The following EPHA6 variants were observed in gnomAD, a reference collection of about 807,000 sequenced individuals.
The protein encoded by EPHA6 is ephrin type-A receptor 6.
Under a neutral mutation model 112.0 loss-of-function variants are expected in EPHA6, and 50 were observed. The observed-to-expected ratio is 0.45, with a 90% CI of 0.36 to 0.56. The LOEUF (loss-of-function observed/expected upper bound fraction) is 0.56, where lower values mean the gene tolerates loss of function less well. Among genes scored for constraint, EPHA6 ranks in the 20% least tolerant of loss-of-function variants. The probability of loss-of-function intolerance (pLI) is 0.00; values close to 1 mark genes in which losing one functional copy is unlikely to be tolerated. For missense variants in EPHA6, 1,280 were observed against 1,417.4 expected, an observed-to-expected ratio of 0.90 and a Z score of 1.56; for synonymous variants, 529 against 490.7, an observed-to-expected ratio of 1.08 and a Z score of -1.03.
Position 97,182,031 on chromosome 3 carries a change from T to G in EPHA6, c.1115-44233T>G, listed in dbSNP as rs572497940. Among the ~76,000 whole-genome samples the G allele has an allele frequency of 5.3e-5, 8 of 152,176 alleles. No individual in the cohort carries two copies. In the South Asian group the frequency reaches 1.7e-3, roughly 32 times the overall value. On this transcript the variant is annotated intron_variant, in intron 3 of 17. Coordinates refer to ENST00000389672, the MANE Select transcript of EPHA6 (RefSeq NM_001080448.3). ...AATGGAGAAGTATAACTGCCAAAGG[T>G]TGTTGCAGATGAATCATTCTGGTGG...
chr3:97,600,629 A>G (rs1172035811), intron 12 of EPHA6, among the ~76,000 whole-genome samples: 2 of 152,076 alleles, frequency 1.3e-5, no homozygotes, highest in African/African-American at 2.4e-5. Flanking sequence ...CTTCCCCAAG[A>G]AAATGGACAT....
intron 2 of EPHA6, among the ~76,000 whole-genome samples, chr3:96,924,829 G>A (rs949819357): frequency 6.6e-6 from 1 of 152,254 alleles, no homozygotes; most frequent in South Asian, 2.1e-4. Context: ...AGTTTATTGA[G>A]AGATTTTAAC....
chr3:97,377,198 G>C (rs1347920753), intron 5 of EPHA6, among the ~76,000 whole-genome samples: 1 of 152,120 alleles, frequency 6.6e-6, no homozygotes, highest in Non-Finnish European at 1.5e-5. Flanking sequence ...CTCAATAGGA[G>C]ATAATTTGAA....
At chr3:97,077,278 A>G (rs1335359556) in intron 3 of EPHA6, among the ~76,000 whole-genome samples, 4 of 151,768 alleles carry the variant, frequency 2.6e-5, no homozygotes, top group African/African-American at 9.7e-5. Context: ...ACCCTCTTGG[A>G]TGAGTTTGTG....
chr3:96,998,322 G>T (rs2043500246), intron 3 of EPHA6, among the ~76,000 whole-genome samples: 1 of 151,796 alleles, frequency 6.6e-6, no homozygotes, highest in Non-Finnish European at 1.5e-5. Context: ...GTATATATAT[G>T]CAATAGTTGG....
chr3:97,485,879 A>G (rs1361934678), intron 10 of EPHA6, among the ~76,000 whole-genome samples: 4 of 152,228 alleles, frequency 2.6e-5, no homozygotes, highest in African/African-American at 9.6e-5. Flanking sequence ...ATACTCACAT[A>G]GATACAGGAG....
Position 97,377,654 on chromosome 3 carries a change from G to C in EPHA6, c.1607-27496G>C, listed in dbSNP as rs116716083. 5.5e-3 allele frequency among the ~76,000 whole-genome samples: 831 copies of C among 152,304 alleles called. 6 individuals carry two copies. The highest frequency in any genetic ancestry group is 0.018 in the African/African-American group (759 of 41,566). On this transcript the variant is annotated intron_variant, in intron 5 of 17. Transcript: ENST00000389672. Reference sequence around the variant, plus strand: ...ATGAACGGACAATGAAATTCAGGCTGAGTTGGTCTCAGATGGAGATGAGGA... The same window carrying C: ...ATGAACGGACAATGAAATTCAGGCTCAGTTGGTCTCAGATGGAGATGAGGA...
At chr3:97,097,420 A>G (rs540050026) in intron 3 of EPHA6, among the ~76,000 whole-genome samples, 40 of 151,918 alleles carry the variant, frequency 2.6e-4, no homozygotes, top group Non-Finnish European at 5.3e-4. Flanking sequence ...CTTGTAAACA[A>G]AACAAAACAA....
intron 2 of EPHA6, among the ~76,000 whole-genome samples, chr3:96,875,101 A>T (rs2036866722): frequency 6.6e-6 from 1 of 152,086 alleles, no homozygotes; most frequent in Non-Finnish European, 1.5e-5. Flanking sequence ...GGGCTGCCAG[A>T]TTGTAAATAC....
intron 3 of EPHA6, among the ~76,000 whole-genome samples, chr3:97,201,167 T>G (rs2077568849): frequency 6.6e-6 from 1 of 152,122 alleles, no homozygotes; most frequent in African/African-American, 2.4e-5. Flanking sequence ...TATCAAAATA[T>G]GTTACAGAAT....
intron 3 of EPHA6, among the ~76,000 whole-genome samples, chr3:97,015,516 G>A (rs897377573): frequency 6.6e-6 from 1 of 152,138 alleles, no homozygotes; most frequent in Non-Finnish European, 1.5e-5. Flanking sequence ...AAGAATAAGT[G>A]TTGTAAGGGG....
intron 3 of EPHA6, among the ~76,000 whole-genome samples, chr3:97,211,446 C>T (rs758441706): frequency 6.6e-6 from 1 of 152,160 alleles, no homozygotes; most frequent in African/African-American, 2.4e-5. Flanking sequence ...GCTTAAACAG[C>T]AGAGATGTTT....
intron 5 of EPHA6, among the ~76,000 whole-genome samples, chr3:97,390,997 T>C (rs2086363245): frequency 6.6e-6 from 1 of 152,118 alleles, no homozygotes; most frequent in Admixed American, 6.6e-5. Flanking sequence ...GCATTTACTA[T>C]TACACAATAG....
At chr3:97,453,771 G>T (rs1346403690) in intron 7 of EPHA6, among the ~76,000 whole-genome samples, 3 of 151,696 alleles carry the variant, frequency 2.0e-5, no homozygotes, top group Admixed American at 2.0e-4. Flanking sequence ...AAGAAATTTG[G>T]TTTGTTTTAA....
intron 11 of EPHA6, among the ~76,000 whole-genome samples, chr3:97,579,396 C>G (rs1262607421): frequency 1.3e-5 from 2 of 152,178 alleles, no homozygotes; most frequent in African/African-American, 4.8e-5. Flanking sequence ...AAATGGGCAC[C>G]TCTTAATGAT....
chr3:97,279,988 C>T (rs560036550), intron 5 of EPHA6, among the ~76,000 whole-genome samples: 135 of 152,256 alleles, frequency 8.9e-4, no homozygotes, highest in African/African-American at 2.9e-3. Flanking sequence ...CAGTTTCAAG[C>T]GATTGTCCTG....
At chr3:97,254,115 G>A (rs1576778405) in intron 5 of EPHA6, among the ~76,000 whole-genome samples, 1 of 151,954 alleles carries the variant, frequency 6.6e-6, no homozygotes, top group Admixed American at 6.6e-5. Flanking sequence ...TGAGATACTT[G>A]TATTAAGAGG....
chr3:97,676,694 T>G (rs1298391119), intron 14 of EPHA6, among the ~76,000 whole-genome samples: 1 of 152,090 alleles, frequency 6.6e-6, no homozygotes, highest in Non-Finnish European at 1.5e-5. Context: ...GACTGGAGCA[T>G]AGTGCACAGT....
At chr3:97,593,264 C>T (rs2093560909) in intron 12 of EPHA6, among the ~76,000 whole-genome samples, 1 of 152,018 alleles carries the variant, frequency 6.6e-6, no homozygotes. Flanking sequence ...CTGACCAAAG[C>T]CATATTTTAT....
Sources: allele counts gnomAD v4.1 joint callset (sites outside exome capture counted in the v4.1 genomes callset), GRCh38; gene constraint gnomAD v4.1.1; transcripts MANE v1.5; gene names NCBI Gene and HGNC (gene_info 2026-07-23, HGNC 2026-07-21).